Variants in ARHGEF26 observed in about 807,000 individuals in gnomAD.
ARHGEF26 encodes Rho guanine nucleotide exchange factor (GEF) 26.
Under a neutral mutation model 89.4 loss-of-function variants are expected in ARHGEF26, and 59 were observed. That is an observed-to-expected ratio of 0.66 (90% CI 0.54 to 0.82). ARHGEF26 has a LOEUF of 0.82. Among genes scored for constraint, ARHGEF26 ranks in the 40% least tolerant of loss-of-function variants. The pLI is 0.00. For synonymous variants in ARHGEF26, 500 were observed against 428.4 expected, an observed-to-expected ratio of 1.17 and a Z score of -2.06; for missense variants, 1,234 against 1,085.6, an observed-to-expected ratio of 1.14 and a Z score of -1.92.
At chr3:154,127,600 ATTTTTT>A (rs59102588) in intron 3 of ARHGEF26, among the ~76,000 whole-genome samples, 1 of 139,762 alleles carries the variant, frequency 7.2e-6, no homozygotes, top group African/African-American at 2.6e-5. Context: ...ACAGTTAACT[ATTTTTT>A]TTTTTTTTTT....
chr3:154,122,596 CTCTT>C lies in ARHGEF26; in HGVS notation c.607_610del (p.Phe203LeufsTer32). 1 of 1,613,712 alleles carries C rather than the reference CTCTT, an allele frequency of 6.2e-7. No homozygotes were observed. ...GAAGGCAAAGGACCCCGAACGGGGG[CTCTT>C]TCCTGGGCCCCAGAAAAGTTCTTCG... On this transcript the variant is annotated frameshift_variant, in exon 2 of 15. Transcript: ENST00000465093. LOFTEE classifies it high-confidence loss of function.
chr3:154,195,621 A>G (rs1714242361), intron 9 of ARHGEF26, among the ~76,000 whole-genome samples: 1 of 152,198 alleles, frequency 6.6e-6, no homozygotes, highest in South Asian at 2.1e-4. Flanking sequence ...AGCGAGGTAG[A>G]TGCTCTTCCT....
At chr3:154,181,093 GA>G (rs1259990871) in intron 6 of ARHGEF26, among the ~76,000 whole-genome samples, 1 of 152,132 alleles carries the variant, frequency 6.6e-6, no homozygotes, top group Non-Finnish European at 1.5e-5. Context: ...TATGTCAAAA[GA>G]AACTGACTTC....
chr3:154,210,946 CA>C lies in ARHGEF26; in HGVS notation c.1846-6910del, dbSNP rs879368701. ...CGACAGATTAAGTCTGTCCCCCCAC[CA>C]AAAAAAAAAAAATTTGTCTGGGAGG... On this transcript the variant is annotated intron_variant, in intron 9 of 14. Coordinates refer to ENST00000465093, the MANE Select transcript of ARHGEF26 (RefSeq NM_015595.4). Among the ~76,000 whole-genome samples the C allele has an allele frequency of 3.1e-3, 424 of 138,986 alleles. 1 individual carries two copies. The highest frequency in any genetic ancestry group is 3.2e-3 in the Admixed American group (45 of 13,858). The allele number at this position is 138,986 out of a possible 152,430, so 91.2% of individuals were successfully genotyped here. A position where few individuals can be genotyped will look rare whatever the true frequency, so the allele number is the denominator to read the frequency against.
intron 9 of ARHGEF26, among the ~76,000 whole-genome samples, chr3:154,198,299 C>T (rs929703147): frequency 6.6e-6 from 1 of 152,010 alleles, no homozygotes; most frequent in Non-Finnish European, 1.5e-5. Flanking sequence ...CTAGTACAAC[C>T]AATATGGAAA....
chr3:154,206,915 A>C (rs533156714), intron 9 of ARHGEF26, among the ~76,000 whole-genome samples: 2 of 152,170 alleles, frequency 1.3e-5, no homozygotes, highest in Non-Finnish European at 2.9e-5. Flanking sequence ...AAAAACTGAC[A>C]CAAAGACCAA....
At chr3:154,137,203 G>A (rs1338213317) in intron 4 of ARHGEF26, among the ~76,000 whole-genome samples, 1 of 152,194 alleles carries the variant, frequency 6.6e-6, no homozygotes, top group African/African-American at 2.4e-5. Flanking sequence ...AACAGCCGCA[G>A]ATTACTGGGC....
intron 11 of ARHGEF26, among the ~76,000 whole-genome samples, chr3:154,237,572 A>ACACACACACACACT (rs1188247588): frequency 6.6e-6 from 1 of 151,238 alleles, no homozygotes; most frequent in African/African-American, 2.4e-5. Flanking sequence ...ACACACACAC[A>ACACACACACACACT]CTTAACTAGT....
rs184180180 is a variant in ARHGEF26, at chr3:154,145,032, T to G, written c.1270-4357T>G. Reference sequence around the variant, plus strand: ...TGACCTCATGTCTAGTGTTTGGTTATGCAGATCTCTGGCCCTTTGAAATTT... The same window carrying G: ...TGACCTCATGTCTAGTGTTTGGTTAGGCAGATCTCTGGCCCTTTGAAATTT... On this transcript the variant is annotated intron_variant, in intron 4 of 14. Coordinates refer to ENST00000465093, the MANE Select transcript of ARHGEF26 (RefSeq NM_015595.4). Among the ~76,000 whole-genome samples the G allele has an allele frequency of 2.6e-4, 39 of 152,366 alleles. No individual in the cohort carries two copies. The East Asian group carries it at 4.4e-3, about 17-fold the overall frequency.
At chr3:154,124,158 G>T (rs1028549156) in intron 2 of ARHGEF26, among the ~76,000 whole-genome samples, 1 of 152,152 alleles carries the variant, frequency 6.6e-6, no homozygotes, top group Non-Finnish European at 1.5e-5. Flanking sequence ...CTAGTTATTT[G>T]AGGATTCTCA....
Position 154,254,822 on chromosome 3 carries a change from A to C in ARHGEF26, c.2471A>C (p.Asp824Ala). The C allele has an allele frequency of 6.2e-7, 1 of 1,613,408 alleles. No individual in the cohort carries two copies. The highest frequency in any genetic ancestry group is 1.1e-5 in the South Asian group (1 of 91,062). Residue 824 changes from aspartate to alanine, a missense_variant and splice_region_variant, in exon 14 of 15, where the codon GAT becomes GCT. Physicochemically the swap from Asp to Ala is moderately radical, Grantham distance 126. Coordinates refer to ENST00000465093, the MANE Select transcript of ARHGEF26 (RefSeq NM_015595.4). ...GTCCTCATCTATCAACGTGTCAGCG[A>C]TGGTGAGTGGGAGCGTTCTTATGGG... ...DVVLIYQRVSDGWYEGERLRD... is the reference protein window; with the variant it reads ...DVVLIYQRVSAGWYEGERLRD...
At chr3:154,149,798 A>G (rs1011393190) in intron 5 of ARHGEF26, among the ~76,000 whole-genome samples, 4 of 152,242 alleles carry the variant, frequency 2.6e-5, no homozygotes, top group Middle Eastern at 6.8e-3. Flanking sequence ...TCTGTAGACA[A>G]ATGTAGCCTA....
At chr3:154,200,425 G>C (rs1222989765) in intron 9 of ARHGEF26, among the ~76,000 whole-genome samples, 1 of 151,996 alleles carries the variant, frequency 6.6e-6, no homozygotes, top group Admixed American at 6.6e-5. Context: ...CTATGTGTCT[G>C]TTTTTATGCC....
At position 154,124,372 on chromosome 3, in the gene ARHGEF26, C is replaced by CTTTTTTT. The variant is rs10688646; in HGVS notation, c.1084-26_1084-20dup. 53 of 1,010,626 alleles carry CTTTTTTT rather than the reference C, an allele frequency of 5.2e-5. 1 individual carries two copies. Among genetic ancestry groups the CTTTTTTT allele is most frequent in the Middle Eastern group, 2.8e-4 (1 of 3,566 alleles). 62.6% of individuals were successfully genotyped at this position (1,010,626 alleles called of 1,614,324 possible). A position where few individuals can be genotyped will look rare whatever the true frequency, so the allele number is the denominator to read the frequency against. The stretch of plus-strand genomic sequence containing the variant: ...CTCATTCATACATAGTTTGCTTTTC[C>CTTTTTTT]TTTTTTTTTTTTTTTTTTACTTTTT... On this transcript the variant is annotated intron_variant, in intron 2 of 14. Coordinates refer to ENST00000465093, the MANE Select transcript of ARHGEF26 (RefSeq NM_015595.4).
chr3:154,150,602 T>C (rs1719964517), intron 5 of ARHGEF26, among the ~76,000 whole-genome samples: 1 of 152,222 alleles, frequency 6.6e-6, no homozygotes, highest in Admixed American at 6.5e-5. Flanking sequence ...CTCTAGTCTA[T>C]GAACACCACC....
At position 154,134,548 on chromosome 3, in the gene ARHGEF26, C is replaced by T. The variant is rs569089579; in HGVS notation, c.1269+4829C>T. Among the ~76,000 whole-genome samples the T allele has an allele frequency of 2.0e-5, 3 of 152,128 alleles. No individual in the cohort carries two copies. The East Asian group carries it at 5.8e-4, about 29-fold the overall frequency. ...ATCACTTAACTCCCACCTGGTCCCC[C>T]CAACAACATGTGGGAATTCAATATG... On this transcript the variant is annotated intron_variant, in intron 4 of 14. Coordinates refer to ENST00000465093, the MANE Select transcript of ARHGEF26 (RefSeq NM_015595.4).
intron 12 of ARHGEF26, among the ~76,000 whole-genome samples, chr3:154,244,953 T>C (rs1717708672): frequency 1.3e-5 from 2 of 152,162 alleles, no homozygotes; most frequent in African/African-American, 2.4e-5. Context: ...GAAGGAAACC[T>C]CCAGGAAGTC....
chr3:154,233,066 C>T (rs1375768779), intron 11 of ARHGEF26, among the ~76,000 whole-genome samples: 4 of 151,652 alleles, frequency 2.6e-5, no homozygotes, highest in Non-Finnish European at 5.9e-5. Flanking sequence ...CTACTGACCT[C>T]GTGATCCACC....
chr3:154,255,312 A>G lies in ARHGEF26; in HGVS notation c.2474-19A>G, dbSNP rs774401245. ...TCCAAATACTTGTTGTTTGGTGTGG[A>G]CTCTGTTCTTTTTCACAGGCTGGTA... On this transcript the variant is annotated intron_variant, in intron 14 of 14. Coordinates refer to ENST00000465093, the MANE Select transcript of ARHGEF26 (RefSeq NM_015595.4). The G allele has an allele frequency of 6.2e-7, 1 of 1,608,016 alleles. No homozygotes were observed. Among genetic ancestry groups the G allele is most frequent in the South Asian group, 1.1e-5 (1 of 90,120 alleles).
Sources: gnomAD v4.1 joint callset for allele counts (sites outside exome capture counted in the v4.1 genomes callset) on GRCh38, gnomAD v4.1.1 for gene constraint, MANE v1.5 for transcripts, NCBI Gene and HGNC (gene_info 2026-07-23, HGNC 2026-07-21) for gene names.